SPATS1: variants seen among roughly 807,000 people sequenced by gnomAD.
The protein encoded by SPATS1 is spermatogenesis-associated serine-rich protein 1.
SPATS1 carries 23 observed loss-of-function variants against 33.6 expected under a neutral mutation model. The ratio of observed to expected loss-of-function variants is 0.68; its 90% confidence interval spans 0.49 to 0.97. The LOEUF is 0.97. SPATS1 is among the 50% of genes least tolerant of loss of function. The pLI is 0.00. For missense variants in SPATS1, 327 were observed against 361.0 expected, an observed-to-expected ratio of 0.91 and a Z score of 0.76; for synonymous variants, 131 against 125.6, an observed-to-expected ratio of 1.04 and a Z score of -0.29.
At chr6:44,359,226 A>G (rs566234020) in intron 3 of SPATS1, among the ~76,000 whole-genome samples, 1 of 152,148 alleles carries the variant, frequency 6.6e-6, no homozygotes, top group Admixed American at 6.5e-5. Flanking sequence ...ATCCCGAAAT[A>G]CTAAGATTAT....
intron 7 of SPATS1, among the ~76,000 whole-genome samples, chr6:44,375,256 G>A (rs1342419312): frequency 6.6e-6 from 1 of 152,176 alleles, no homozygotes; most frequent in African/African-American, 2.4e-5. Context: ...AACCCACATG[G>A]GAGGGTGAAG....
At chr6:44,369,196 T>A (rs1789443057) in intron 6 of SPATS1, among the ~76,000 whole-genome samples, 1 of 152,100 alleles carries the variant, frequency 6.6e-6, no homozygotes, top group African/African-American at 2.4e-5. Context: ...AAAATATTAT[T>A]TTAAAAAATT....
intron 3 of SPATS1, among the ~76,000 whole-genome samples, chr6:44,354,713 C>T (rs1210457120): frequency 6.6e-6 from 1 of 152,190 alleles, no homozygotes; most frequent in Non-Finnish European, 1.5e-5. Flanking sequence ...ATCATAATCA[C>T]CCAAAGCCCC....
intron 8 of SPATS1, 31 bp downstream of exon 8, chr6:44,376,504 A>G (rs1188736880): frequency 6.6e-7 from 1 of 1,516,670 alleles, no homozygotes; most frequent in East Asian, 2.3e-5. Context: ...AGAATAGTGT[A>G]AAAACTGGAG....
At chr6:44,354,186 T>C (rs1383683347) in intron 3 of SPATS1, among the ~76,000 whole-genome samples, 1 of 151,378 alleles carries the variant, frequency 6.6e-6, no homozygotes, top group East Asian at 1.9e-4. Flanking sequence ...ATACAAAAAT[T>C]AGCCGGGCCT....
At chr6:44,345,840 C>T (rs544013823) in intron 2 of SPATS1, among the ~76,000 whole-genome samples, 1 of 152,228 alleles carries the variant, frequency 6.6e-6, no homozygotes, top group African/African-American at 2.4e-5. Flanking sequence ...TCATAGGCTT[C>T]GGAAGTCACA....
At chr6:44,348,463 T>A (rs966570114) in intron 2 of SPATS1, among the ~76,000 whole-genome samples, 2 of 152,060 alleles carry the variant, frequency 1.3e-5, no homozygotes, top group Non-Finnish European at 2.9e-5. Context: ...CTTTTTTTTT[T>A]CTTATTTCTT....
At chr6:44,354,078 A>G (rs1788417265) in intron 3 of SPATS1, among the ~76,000 whole-genome samples, 1 of 146,806 alleles carries the variant, frequency 6.8e-6, no homozygotes, top group African/African-American at 2.5e-5. Context: ...ATGGCTGGGC[A>G]TGGTGGCTCA....
At position 44,377,161 on chromosome 6, in the gene SPATS1, A is replaced by C; in HGVS notation, c.*98A>C. The C allele has an allele frequency of 6.9e-7, 1 of 1,454,662 alleles. No individual in the cohort carries two copies. Among genetic ancestry groups the C allele is most frequent in the Non-Finnish European group, 9.6e-7 (1 of 1,036,810 alleles). The allele number at this position is 1,454,662 out of a possible 1,614,324, so 90.1% of individuals were successfully genotyped here. A position where few individuals can be genotyped will look rare whatever the true frequency, so the allele number is the denominator to read the frequency against. ...GTGACTGTTCTAAATCCAGTGTTTG[A>C]CCCTTATGAGGAAGTGTTGTGCTTT... On this transcript the variant is annotated 3_prime_UTR_variant, in exon 9 of 9. Transcript: ENST00000674044.
chr6:44,361,365 G>A, intron 4 of SPATS1: 4 of 985,388 alleles, frequency 4.1e-6, no homozygotes, highest in South Asian at 4.7e-5. Flanking sequence ...CGGTGTCACC[G>A]TAGCACATGC....
intron 6 of SPATS1, among the ~76,000 whole-genome samples, chr6:44,369,280 C>T (rs903694152): frequency 4.5e-4 from 67 of 150,180 alleles, no homozygotes; most frequent in African/African-American, 1.6e-3. Context: ...CGGTGGCTCA[C>T]GCCTGTAACC....
intron 7 of SPATS1, among the ~76,000 whole-genome samples, chr6:44,371,419 A>G (rs1460589434): frequency 2.0e-5 from 3 of 152,148 alleles, no homozygotes; most frequent in Non-Finnish European, 2.9e-5. Context: ...GAAAAAGTCT[A>G]CTAACCAGTT....
chr6:44,352,845 G>T lies in SPATS1; in HGVS notation c.259G>T (p.Gly87Cys). The T allele has an allele frequency of 6.2e-7, 1 of 1,614,110 alleles. No individual in the cohort carries two copies. Among genetic ancestry groups the T allele is most frequent in the East Asian group, 2.2e-5 (1 of 44,876 alleles). The change falls in exon 3 of 9, where the codon GGC becomes TGC. Residue 87 changes from glycine to cysteine, a missense_variant. Transcript: ENST00000674044. ...ETGPSVSEPP[G>C]LPRVSAYVDT... ...AGGCCCAAGTGTCAGTGAGCCTCCT[G>T]GCCTCCCCAGAGTGTCTGCTTACGT...
At chr6:44,369,129 C>T (rs1236408532) in intron 6 of SPATS1, among the ~76,000 whole-genome samples, 1 of 152,052 alleles carries the variant, frequency 6.6e-6, no homozygotes, top group Non-Finnish European at 1.5e-5. Context: ...ATCTCCTGAC[C>T]TCGTGATCCG....
intron 7 of SPATS1, among the ~76,000 whole-genome samples, chr6:44,373,686 A>G (rs1045179846): frequency 1.3e-5 from 2 of 152,366 alleles, no homozygotes; most frequent in African/African-American, 4.8e-5. Context: ...AGAACCAGAT[A>G]AAGTTGCCAA....
intron 3 of SPATS1, among the ~76,000 whole-genome samples, chr6:44,358,347 T>C (rs1788712486): frequency 1.3e-5 from 2 of 152,208 alleles, no homozygotes; most frequent in African/African-American, 4.8e-5. Flanking sequence ...GTGATTGCAT[T>C]TTCAGCTGAC....
At chr6:44,349,851 CT>C (rs1170141591) in intron 2 of SPATS1, among the ~76,000 whole-genome samples, 1 of 152,148 alleles carries the variant, frequency 6.6e-6, no homozygotes, top group African/African-American at 2.4e-5. Context: ...CTTATGGATA[CT>C]TTTTGGCTGT....
At chr6:44,357,415 TC>T (rs1454194586) in intron 3 of SPATS1, among the ~76,000 whole-genome samples, 5 of 152,134 alleles carry the variant, frequency 3.3e-5, no homozygotes, top group Non-Finnish European at 7.4e-5. Flanking sequence ...AGAGTTTCGC[TC>T]CTGTTGTCCC....
intron 5 of SPATS1, among the ~76,000 whole-genome samples, chr6:44,365,035 C>T (rs112257287): frequency 9.9e-5 from 15 of 152,056 alleles, no homozygotes; most frequent in African/African-American, 2.2e-4. Context: ...ATGATCCACC[C>T]GCCTCGGCCT....
Sources: allele counts gnomAD v4.1 joint callset (sites outside exome capture counted in the v4.1 genomes callset), GRCh38; gene constraint gnomAD v4.1.1; transcripts MANE v1.5; gene names NCBI Gene and HGNC (gene_info 2026-07-23, HGNC 2026-07-21).